The following DST variants were observed in gnomAD, a reference collection of about 807,000 sequenced individuals.
DST encodes the protein bullous pemphigoid antigen.
In DST, 253 loss-of-function variants were observed where a neutral mutation model predicts 875.2. That is an observed-to-expected ratio of 0.29 (90% CI 0.26 to 0.32). DST has a LOEUF of 0.32. Among genes scored for constraint, DST ranks in the 10% least tolerant of loss-of-function variants. The probability of loss-of-function intolerance (pLI) is 1.00; values close to 1 mark genes in which losing one functional copy is unlikely to be tolerated. For missense variants in DST, 8,287 were observed against 9,111.6 expected, an observed-to-expected ratio of 0.91 and a Z score of 3.68; for synonymous variants, 3,124 against 3,197.1, an observed-to-expected ratio of 0.98 and a Z score of 0.77.
Position 56,605,484 on chromosome 6 carries a change from T to C in DST, c.9144A>G (p.Thr3048=). Residue 3048 remains threonine (T), a synonymous_variant, in exon 40 of 104, where the codon ACA becomes ACG. Transcript: ENST00000680361. ...CACCCAAGTACATTTTCTGAATTGATGTTTCATCTTCTATTAGAATATCAC... is the reference window on the plus strand; with the variant it reads ...CACCCAAGTACATTTTCTGAATTGACGTTTCATCTTCTATTAGAATATCAC... ...GKSDILIEDE[T]SIQKMYLGEG... The C allele has an allele frequency of 6.2e-7, 1 of 1,613,032 alleles. No individual in the cohort carries two copies. The highest frequency in any genetic ancestry group is 8.5e-7 in the Non-Finnish European group (1 of 1,179,324).
Position 56,950,889 on chromosome 6 carries a change from C to T in DST, c.216+2896G>A, listed in dbSNP as rs193004029. Among the ~76,000 whole-genome samples the T allele has an allele frequency of 4.2e-3, 645 of 152,240 alleles. 4 individuals carry two copies. Among genetic ancestry groups the T allele is most frequent in the Non-Finnish European group, 6.0e-3 (405 of 68,024 alleles). On this transcript the variant is annotated intron_variant, in intron 2 of 103. Coordinates refer to ENST00000680361, the MANE Select transcript of DST (RefSeq NM_001374736.1). ...TTATGGTTCCAAAACTTATTATAAA[C>T]ATCTATATTACTTATTTCTAGCTTC...
At chr6:56,782,104 G>A (rs1324255413) in intron 4 of DST, among the ~76,000 whole-genome samples, 1 of 152,154 alleles carries the variant, frequency 6.6e-6, no homozygotes, top group African/African-American at 2.4e-5. Context: ...GCTTTTCGAT[G>A]TGCTGCTGGA....
At chr6:56,635,805 C>A in intron 23 of DST, 91 bp from the exon 24 acceptor site, 1 of 1,352,052 alleles carries the variant, frequency 7.4e-7, no homozygotes. Flanking sequence ...CCTATGTGTA[C>A]CCCTCATAAG....
chr6:56,793,994 C>A, intron 4 of DST, among the ~76,000 whole-genome samples: 1 of 152,140 alleles, frequency 6.6e-6, no homozygotes, highest in Non-Finnish European at 1.5e-5. Flanking sequence ...TTGGTTGAAA[C>A]CAACACAGTG....
chr6:56,819,715 C>T (rs1016353595), intron 4 of DST, among the ~76,000 whole-genome samples: 1 of 152,048 alleles, frequency 6.6e-6, no homozygotes, highest in African/African-American at 2.4e-5. Context: ...ACTACAATAA[C>T]ATTTATAGAG....
At chr6:56,560,490 C>T (rs2097521346) in intron 57 of DST, 67 bp from the exon 58 acceptor site, 3 of 1,434,424 alleles carry the variant, frequency 2.1e-6, no homozygotes, top group Non-Finnish European at 2.8e-6. Context: ...AATGATAGAG[C>T]ATTATTTTTC....
chr6:56,466,352 G>A, intron 98 of DST, 157 bp from the exon 99 acceptor site: 2 of 448,464 alleles, frequency 4.5e-6, no homozygotes, highest in Non-Finnish European at 7.8e-6. Context: ...GTAATGATTT[G>A]TGTTAGACGG....
At chr6:56,573,403 C>A (rs985834981) in intron 51 of DST, among the ~76,000 whole-genome samples, 6 of 152,152 alleles carry the variant, frequency 3.9e-5, no homozygotes, top group African/African-American at 1.4e-4. Flanking sequence ...GTGCAGCTGG[C>A]TGAAACAATG....
intron 4 of DST, among the ~76,000 whole-genome samples, chr6:56,776,899 G>C (rs1047447115): frequency 6.6e-6 from 1 of 152,094 alleles, no homozygotes; most frequent in African/African-American, 2.4e-5. Flanking sequence ...ATCAAGACTT[G>C]AATCTCATCA....
At chr6:56,632,491 G>A (rs138077433) in intron 28 of DST, among the ~76,000 whole-genome samples, 90 of 152,204 alleles carry the variant, frequency 5.9e-4, no homozygotes, top group African/African-American at 2.0e-3. Context: ...TTTAACAAAA[G>A]TTAACTAGGC....
intron 49 of DST, among the ~76,000 whole-genome samples, chr6:56,591,618 T>C (rs1357926910): frequency 6.6e-6 from 1 of 151,536 alleles, no homozygotes; most frequent in African/African-American, 2.4e-5. Flanking sequence ...AAATACTGAG[T>C]TTTGTTTGGG....
At chr6:56,471,858 A>C in intron 94 of DST, 1 of 617,316 alleles carries the variant, frequency 1.6e-6, no homozygotes, top group Non-Finnish European at 2.9e-6. Context: ...TGATTCCCTA[A>C]ATCCAAATCC....
chr6:56,766,471 G>T (rs979229494), intron 4 of DST, among the ~76,000 whole-genome samples: 12 of 151,976 alleles, frequency 7.9e-5, no homozygotes, highest in Non-Finnish European at 1.6e-4. Flanking sequence ...TCTTTCTAAA[G>T]CTTGCAGTTT....
At chr6:56,490,921 A>T (rs879320995) in intron 85 of DST, among the ~76,000 whole-genome samples, 2 of 152,216 alleles carry the variant, frequency 1.3e-5, no homozygotes, top group Non-Finnish European at 2.9e-5. Context: ...AGACAAAATG[A>T]GAAAATAAAA....
chr6:56,497,298 C>A (rs148665295), intron 82 of DST, 81 bp downstream of exon 82: 2 of 1,507,108 alleles, frequency 1.3e-6, no homozygotes, highest in Non-Finnish European at 1.8e-6. Flanking sequence ...CCTTCTCCCA[C>A]GATTTATGTA....
At chr6:56,771,547 T>G (rs905542941) in intron 4 of DST, among the ~76,000 whole-genome samples, 2 of 152,186 alleles carry the variant, frequency 1.3e-5, no homozygotes, top group Admixed American at 1.3e-4. Context: ...ACAAAAGCCT[T>G]GCATCAAAAT....
chr6:56,691,215 A>T (rs2099226417), intron 9 of DST, among the ~76,000 whole-genome samples: 1 of 152,230 alleles, frequency 6.6e-6, no homozygotes, highest in Non-Finnish European at 1.5e-5. Flanking sequence ...TTATATTCAT[A>T]AACATATAGT....
At chr6:56,800,421 A>C (rs2099745330) in intron 4 of DST, among the ~76,000 whole-genome samples, 1 of 152,214 alleles carries the variant, frequency 6.6e-6, no homozygotes, top group Non-Finnish European at 1.5e-5. Context: ...TCACTAACTT[A>C]TCCATTATAA....
At chr6:56,843,280 A>T (rs996197839) in intron 4 of DST, 2 of 1,250,662 alleles carry the variant, frequency 1.6e-6, no homozygotes, top group Admixed American at 7.4e-5. Flanking sequence ...AGAAGCACGG[A>T]AGCCGAAGAC....
Sources: allele counts gnomAD v4.1 joint callset (sites outside exome capture counted in the v4.1 genomes callset), GRCh38; gene constraint gnomAD v4.1.1; transcripts MANE v1.5; gene names NCBI Gene and HGNC (gene_info 2026-07-23, HGNC 2026-07-21).